The following SLC35D2 variants were observed in gnomAD, a reference collection of about 807,000 sequenced individuals.
The protein encoded by SLC35D2 is solute carrier family 35 member D2, also known as nucleotide sugar transporter SLC35D2.
Under a neutral mutation model 41.8 loss-of-function variants are expected in SLC35D2, and 43 were observed. The observed-to-expected ratio is 1.03, with a 90% CI of 0.81 to 1.33. The LOEUF (loss-of-function observed/expected upper bound fraction) is 1.33. Ranked by LOEUF, SLC35D2 falls within the 40% of genes most tolerant of loss-of-function variation. The pLI, the probability that SLC35D2 is intolerant of heterozygous loss-of-function variation, is 0.00. For missense variants in SLC35D2, 380 were observed against 408.4 expected (o/e 0.93, Z 0.60); for synonymous variants, 150 against 163.9 (o/e 0.92, Z 0.65).
chr9:96,336,422 A>C (rs976457665), intron 9 of SLC35D2, among the ~76,000 whole-genome samples: 8 of 152,234 alleles, frequency 5.3e-5, no homozygotes, highest in African/African-American at 1.9e-4. Context: ...TTGAAATGTC[A>C]GCTGACTTCA....
At chr9:96,333,639 G>A (rs1265035453) in intron 9 of SLC35D2, among the ~76,000 whole-genome samples, 2 of 151,636 alleles carry the variant, frequency 1.3e-5, no homozygotes, top group Non-Finnish European at 2.9e-5. Flanking sequence ...TAGACAGATG[G>A]GATCAAGCCT....
At position 96,345,361 on chromosome 9, in the gene SLC35D2, A is replaced by C; in HGVS notation, c.529T>G (p.Phe177Val). Residue 177 changes from phenylalanine to valine, a missense_variant, in exon 7 of 12, where the codon TTC becomes GTC. Physicochemically the swap from Phe to Val is conservative, Grantham distance 50. Coordinates refer to ENST00000253270, the MANE Select transcript of SLC35D2 (RefSeq NM_007001.3). ...GCTGCTGTGAAGATATCATTCAGGA[A>C]TACAAAAATATAGCCTTCTAAGTTA... is the stretch of plus-strand genomic sequence containing the variant. ...AFNLEGYIFV[F>V]LNDIFTAANG... 1 of 1,610,182 alleles carries C rather than the reference A, an allele frequency of 6.2e-7. No homozygotes were observed. Among genetic ancestry groups the C allele is most frequent in the African/African-American group, 1.3e-5 (1 of 74,892 alleles).
intron 3 of SLC35D2, among the ~76,000 whole-genome samples, chr9:96,361,512 C>A (rs1830276953): frequency 6.6e-6 from 1 of 152,026 alleles, no homozygotes; most frequent in Non-Finnish European, 1.5e-5. Flanking sequence ...CATAGTGAGA[C>A]CGTCTCTACA....
In SLC35D2 at chr9:96,321,089, G is replaced by T; in HGVS notation, c.*153C>A. The stretch of plus-strand genomic sequence containing the variant: ...CTTGAGACTGCCATTGGCTCATCCT[G>T]CATATGAGGTAGTTCTCTTTGCATT... On this transcript the variant is annotated 3_prime_UTR_variant, in exon 12 of 12. Coordinates refer to ENST00000253270, the MANE Select transcript of SLC35D2 (RefSeq NM_007001.3). The T allele has an allele frequency of 1.7e-6, 1 of 598,396 alleles. No homozygotes were observed. Among genetic ancestry groups the T allele is most frequent in the Non-Finnish European group, 3.0e-6 (1 of 337,348 alleles). The allele number at this position is 598,396 out of a possible 1,614,324, so 37.1% of individuals were successfully genotyped here.
intron 11 of SLC35D2, among the ~76,000 whole-genome samples, chr9:96,315,675 C>T (rs922111457): frequency 6.6e-6 from 1 of 152,092 alleles, no homozygotes; most frequent in African/African-American, 2.4e-5. Flanking sequence ...CCTTGTGATC[C>T]ACCCGCCTCG....
rs112656418 is a variant in SLC35D2, at chr9:96,358,633, C to T, written c.347+1521G>A. On this transcript the variant is annotated intron_variant, in intron 4 of 11. Coordinates refer to ENST00000253270, the MANE Select transcript of SLC35D2 (RefSeq NM_007001.3). The stretch of plus-strand genomic sequence containing the variant: ...CAGGACACTAATTTATTAGTCTGAA[C>T]ATTGATAAAGGAAGCTTTTATCCTG... Among the ~76,000 whole-genome samples the T allele has an allele frequency of 2.4e-3, 368 of 152,268 alleles. 1 individual carries two copies. Among genetic ancestry groups the T allele is most frequent in the African/African-American group, 8.3e-3 (343 of 41,542 alleles).
intron 1 of SLC35D2, among the ~76,000 whole-genome samples, chr9:96,379,318 A>T (rs950765665): frequency 6.6e-6 from 1 of 151,970 alleles, no homozygotes; most frequent in Non-Finnish European, 1.5e-5. Context: ...AAAAAAAAAA[A>T]AAATAAGACA....
At chr9:96,346,396 C>A (rs10820410) in intron 6 of SLC35D2, among the ~76,000 whole-genome samples, 42,708 of 152,018 alleles carry the variant, frequency 0.28, 8,124 homozygotes, top group African/African-American at 0.55. Context: ...GAGAAGGGTT[C>A]TTTTAGGGTT....
chr9:96,378,217 T>G (rs1363247455), intron 1 of SLC35D2, among the ~76,000 whole-genome samples: 3 of 150,988 alleles, frequency 2.0e-5, no homozygotes, highest in Admixed American at 1.3e-4. Flanking sequence ...GTGGACCACT[T>G]GAGCCCAAGA....
At chr9:96,346,068 C>T (rs533165539) in intron 6 of SLC35D2, among the ~76,000 whole-genome samples, 37 of 152,332 alleles carry the variant, frequency 2.4e-4, no homozygotes, top group African/African-American at 8.9e-4. Flanking sequence ...TGCACTTGAT[C>T]GTTGCAGACA....
At chr9:96,317,465 C>G (rs997240281), downstream of SLC35D2, among the ~76,000 whole-genome samples, 2 of 152,132 alleles carry the variant, frequency 1.3e-5, no homozygotes, top group African/African-American at 2.4e-5. Flanking sequence ...CCCTTAAACC[C>G]AAGTTCTTTA....
rs189965454 is a variant in SLC35D2, at chr9:96,360,198, G to C, written c.303C>G (p.Tyr101Ter). ...ATAATCCACTTATGTGGTTTCCAAC[G>C]TAGAGGAGAGGCAGAGGAAACAGCT... ...PVKLFPLPLL[Y>*]VGNHISGLSS... The change falls in exon 4 of 12, where the codon TAC becomes TAG. Residue 101 changes from tyrosine (Y) to a stop codon, truncating the protein, a stop_gained. Coordinates refer to ENST00000253270, the MANE Select transcript of SLC35D2 (RefSeq NM_007001.3). LOFTEE classifies it high-confidence loss of function. 4 of 1,611,930 alleles carry C rather than the reference G, an allele frequency of 2.5e-6. No individual in the cohort carries two copies. Among genetic ancestry groups the C allele is most frequent in the African/African-American group, 1.3e-5 (1 of 74,708 alleles).
intron 9 of SLC35D2, among the ~76,000 whole-genome samples, chr9:96,329,634 G>A (rs779423102): frequency 4.6e-5 from 7 of 152,200 alleles, no homozygotes; most frequent in African/African-American, 1.4e-4. Context: ...GTAAGCATAC[G>A]CTGTCCATTT....
chr9:96,374,074 T>C (rs768250251), intron 1 of SLC35D2: 6 of 152,196 alleles, frequency 3.9e-5, no homozygotes, highest in African/African-American at 1.4e-4. Flanking sequence ...GTTTTCAGTA[T>C]GCTTGAAACT....
chr9:96,383,534 T>C lies in SLC35D2; in HGVS notation c.101A>G (p.Tyr34Cys), dbSNP rs1182251840. 6 of 1,516,098 alleles carry C rather than the reference T, an allele frequency of 4.0e-6. No homozygotes were observed. In the African/African-American group the frequency reaches 5.8e-5, roughly 15 times the overall value. 93.9% of individuals were successfully genotyped at this position (1,516,098 alleles called of 1,614,324 possible). A position where few individuals can be genotyped will look rare whatever the true frequency, so the allele number is the denominator to read the frequency against. Reference protein sequence around the residue: ...RVARLLSALFYGTCSFLIVLV... With the variant: ...RVARLLSALFCGTCSFLIVLV... ...CACGATGAGGAAGGAGCAGGTCCCGTAGAAGAGCGCCGACAGCAGCCGGGC... is the reference window on the plus strand; with the variant it reads ...CACGATGAGGAAGGAGCAGGTCCCGCAGAAGAGCGCCGACAGCAGCCGGGC... Residue 34 changes from tyrosine (Y) to cysteine (C), a missense_variant, in exon 1 of 12, where the codon TAC becomes TGC. Tyr to Cys is a radical substitution (Grantham distance 194). Coordinates refer to ENST00000253270, the MANE Select transcript of SLC35D2 (RefSeq NM_007001.3).
At chr9:96,357,039 G>A (rs150572522) in intron 4 of SLC35D2, among the ~76,000 whole-genome samples, 4,106 of 152,214 alleles carry the variant, frequency 0.027, 81 homozygotes, top group Middle Eastern at 0.055. Context: ...TTAGCTGGGC[G>A]TGGTAGTACA....
At chr9:96,333,865 C>G (rs1427502055) in intron 9 of SLC35D2, among the ~76,000 whole-genome samples, 1 of 152,160 alleles carries the variant, frequency 6.6e-6, no homozygotes, top group East Asian at 1.9e-4. Flanking sequence ...CTCTCCTGTT[C>G]ACAGAGGAAT....
At chr9:96,355,338 T>C (rs1315726223) in intron 4 of SLC35D2, among the ~76,000 whole-genome samples, 2 of 151,620 alleles carry the variant, frequency 1.3e-5, no homozygotes, top group African/African-American at 4.8e-5. Context: ...ATATGTTTTT[T>C]AAATTCACAG....
intron 8 of SLC35D2, among the ~76,000 whole-genome samples, chr9:96,341,335 T>G (rs142030498): frequency 6.6e-6 from 1 of 152,166 alleles, no homozygotes; most frequent in African/African-American, 2.4e-5. Context: ...TTAGGTCTCT[T>G]GTACTTTCTA....
Sources: gnomAD v4.1 joint callset for allele counts (sites outside exome capture counted in the v4.1 genomes callset) on GRCh38, gnomAD v4.1.1 for gene constraint, MANE v1.5 for transcripts, NCBI Gene and HGNC (gene_info 2026-07-23, HGNC 2026-07-21) for gene names.